The following PHKB variants were observed in gnomAD, a reference collection of about 807,000 sequenced individuals.
PHKB encodes the protein phosphorylase b kinase regulatory subunit beta.
A neutral mutation model predicts 152.1 loss-of-function variants in PHKB; 122 were observed. That is an observed-to-expected ratio of 0.80 (90% confidence interval 0.69 to 0.93). PHKB has a LOEUF of 0.93. Ranked by LOEUF, PHKB falls within the 40% of genes least tolerant of loss-of-function variation. The probability of loss-of-function intolerance (pLI) is 0.00; values close to 1 mark genes in which losing one functional copy is unlikely to be tolerated. For missense variants in PHKB, 1,304 were observed against 1,328.4 expected, an observed-to-expected ratio of 0.98 and a Z score of 0.29; for synonymous variants, 436 against 464.9, an observed-to-expected ratio of 0.94 and a Z score of 0.80.
At chr16:47,647,556 G>T (rs1973154584) in intron 16 of PHKB, among the ~76,000 whole-genome samples, 1 of 151,030 alleles carries the variant, frequency 6.6e-6, no homozygotes, top group African/African-American at 2.4e-5. Context: ...GGAGTGCAGT[G>T]GCTCGATCAT....
intron 6 of PHKB, among the ~76,000 whole-genome samples, chr16:47,544,583 T>A (rs1478051216): frequency 6.6e-6 from 1 of 152,164 alleles, no homozygotes; most frequent in Non-Finnish European, 1.5e-5. Flanking sequence ...GGGTGTAGAG[T>A]TCTGTAGATG....
At chr16:47,502,841 G>T (rs1970345407) in intron 3 of PHKB, 150 bp from the exon 4 acceptor site, 1 of 646,982 alleles carries the variant, frequency 1.5e-6, no homozygotes, top group Non-Finnish European at 2.8e-6. Context: ...TTCTACTTTT[G>T]CTGGGAAAAT....
rs760455244 is a variant in PHKB, at chr16:47,636,931, G to A, written c.1459-4104G>A. 4.6e-5 allele frequency among the ~76,000 whole-genome samples: 7 copies of A among 152,212 alleles called. 1 individual carries two copies. In the Middle Eastern group the frequency reaches 0.01, roughly 222 times the overall value. On this transcript the variant is annotated intron_variant, in intron 14 of 30. Transcript: ENST00000323584. ...CAGAGTGAGAAACTGTGCTTTTTCC[G>A]GGCCCACCCATGGCCGCCCATGGAC...
At chr16:47,557,471 C>T (rs1244217486) in intron 7 of PHKB, among the ~76,000 whole-genome samples, 10 of 152,228 alleles carry the variant, frequency 6.6e-5, no homozygotes, top group Non-Finnish European at 1.0e-4. Flanking sequence ...AGAAAATTTT[C>T]GCAACCTACT....
chr16:47,574,937 T>C (rs1231817481), intron 7 of PHKB, among the ~76,000 whole-genome samples: 2 of 152,240 alleles, frequency 1.3e-5, no homozygotes, highest in African/African-American at 4.8e-5. Context: ...CTTGCCCTAT[T>C]TTACCACATA....
intron 20 of PHKB, among the ~76,000 whole-genome samples, chr16:47,652,707 T>C (rs1435131461): frequency 1.3e-5 from 2 of 151,844 alleles, no homozygotes; most frequent in Non-Finnish European, 2.9e-5. Context: ...TGCAGTAGAG[T>C]ACACAGCTCA....
chr16:47,633,326 T>C (rs1315906216), intron 14 of PHKB, among the ~76,000 whole-genome samples: 1 of 152,090 alleles, frequency 6.6e-6, no homozygotes, highest in Non-Finnish European at 1.5e-5. Context: ...AAAAAAAAAG[T>C]TCCTCCTCCA....
chr16:47,512,677 A>G (rs1425242627), intron 5 of PHKB, among the ~76,000 whole-genome samples: 2 of 152,106 alleles, frequency 1.3e-5, no homozygotes, highest in South Asian at 2.1e-4. Context: ...TATTTTTTTC[A>G]TTTTATTCCC....
intron 13 of PHKB, among the ~76,000 whole-genome samples, chr16:47,609,190 A>G (rs545411831): frequency 6.6e-5 from 10 of 152,098 alleles, no homozygotes; most frequent in Non-Finnish European, 1.0e-4. Context: ...TTTTGTTGAT[A>G]TGGTCTATTA....
chr16:47,557,593 C>CA (rs1346332948), intron 7 of PHKB, among the ~76,000 whole-genome samples: 10 of 152,194 alleles, frequency 6.6e-5, no homozygotes, highest in Admixed American at 5.9e-4. Flanking sequence ...AGACACTTCT[C>CA]AAAAGAAGAC....
chr16:47,558,707 C>G (rs971433176), intron 7 of PHKB, among the ~76,000 whole-genome samples: 1 of 152,150 alleles, frequency 6.6e-6, no homozygotes, highest in African/African-American at 2.4e-5. Flanking sequence ...TGCTACCAAG[C>G]CTGGAGAATA....
rs539408170 is a variant in PHKB at position 47,497,547 on chromosome 16, C to T, written c.166+59C>T. The T allele has an allele frequency of 5.0e-6, 5 of 1,000,962 alleles. No homozygotes were observed. The African/African-American group carries it at 6.3e-5, about 13-fold the overall frequency. The allele number at this position is 1,000,962 out of a possible 1,614,324, so 62.0% of individuals were successfully genotyped here. On this transcript the variant is annotated intron_variant, in intron 2 of 30. Coordinates refer to ENST00000323584, the MANE Select transcript of PHKB (RefSeq NM_000293.3). ...TATCTGCGATTAGTATTCCCCTTGCCCTAGTTAAATTATGTACATTATGTG... is the reference window on the plus strand; with the variant it reads ...TATCTGCGATTAGTATTCCCCTTGCTCTAGTTAAATTATGTACATTATGTG...
intron 1 of PHKB, among the ~76,000 whole-genome samples, chr16:47,474,341 C>T (rs930109866): frequency 6.6e-6 from 1 of 152,092 alleles, no homozygotes; most frequent in Non-Finnish European, 1.5e-5. Context: ...AACACTTATG[C>T]TGTTATTTGG....
chr16:47,611,681 C>T (rs1972430914), intron 14 of PHKB, among the ~76,000 whole-genome samples: 1 of 152,132 alleles, frequency 6.6e-6, no homozygotes, highest in African/African-American at 2.4e-5. Context: ...CACACACACA[C>T]ACACACAGAG....
At chr16:47,544,467 T>G (rs1971122471) in intron 6 of PHKB, among the ~76,000 whole-genome samples, 1 of 152,214 alleles carries the variant, frequency 6.6e-6, no homozygotes, top group Admixed American at 6.5e-5. Context: ...TTGTTGTGAT[T>G]GTTGTTCTTT....
chr16:47,548,842 T>A (rs769349075), intron 7 of PHKB, among the ~76,000 whole-genome samples: 22 of 152,170 alleles, frequency 1.4e-4, no homozygotes, highest in Non-Finnish European at 3.1e-4. Context: ...TTTATGTCAT[T>A]GTTATAATAA....
At chr16:47,691,148 A>G (rs1974052824) in intron 27 of PHKB, among the ~76,000 whole-genome samples, 1 of 152,196 alleles carries the variant, frequency 6.6e-6, no homozygotes, top group Admixed American at 6.5e-5. Flanking sequence ...GAAACATCAG[A>G]CCAACCCAAA....
intron 29 of PHKB, among the ~76,000 whole-genome samples, chr16:47,697,044 G>T (rs1349149612): frequency 6.6e-6 from 1 of 152,168 alleles, no homozygotes; most frequent in Non-Finnish European, 1.5e-5. Flanking sequence ...AAAGTTACAT[G>T]TAAAATTAAC....
rs538567119 is a variant in PHKB, at chr16:47,630,641, A to T, written c.1459-10394A>T. 3.2e-4 allele frequency among the ~76,000 whole-genome samples: 48 copies of T among 152,290 alleles called. No individual in the cohort carries two copies. The South Asian group carries it at 9.9e-3, about 32-fold the overall frequency. On this transcript the variant is annotated intron_variant, in intron 14 of 30. Transcript: ENST00000323584. ...TGTAGCATGTTCCTGCACCCATGTG[A>T]TTGTTAATTTTACATGTCAACTTGT...
Sources: allele counts gnomAD v4.1 joint callset (sites outside exome capture counted in the v4.1 genomes callset), GRCh38; gene constraint gnomAD v4.1.1; transcripts MANE v1.5; gene names NCBI Gene and HGNC (gene_info 2026-07-23, HGNC 2026-07-21).